Variants in LRRTM4 observed in about 807,000 individuals in gnomAD.
LRRTM4 encodes the protein leucine rich repeat transmembrane neuronal 4.
LRRTM4 carries 25 observed loss-of-function variants against 47.6 expected under a neutral mutation model. The observed-to-expected ratio is 0.53, with a 90% CI of 0.38 to 0.73. LRRTM4 has a LOEUF of 0.73. Among genes scored for constraint, LRRTM4 ranks in the 30% least tolerant of loss-of-function variants. The pLI, the probability that LRRTM4 is intolerant of heterozygous loss-of-function variation, is 0.00. For missense variants in LRRTM4, 638 were observed against 713.4 expected, an observed-to-expected ratio of 0.89 and a Z score of 1.20; for synonymous variants, 311 against 269.5, an observed-to-expected ratio of 1.15 and a Z score of -1.51.
intron 3 of LRRTM4, among the ~76,000 whole-genome samples, chr2:77,478,789 G>A (rs903226413): frequency 6.6e-6 from 1 of 152,180 alleles, no homozygotes; most frequent in African/African-American, 2.4e-5. Context: ...AATTGCCACA[G>A]ATGTATTCAG....
chr2:77,289,417 C>T (rs1395391873), intron 3 of LRRTM4, among the ~76,000 whole-genome samples: 1 of 151,974 alleles, frequency 6.6e-6, no homozygotes, highest in Non-Finnish European at 1.5e-5. Flanking sequence ...ATTGAAACAT[C>T]CATGCATGCC....
At chr2:77,431,834 G>C (rs1675387393) in intron 3 of LRRTM4, among the ~76,000 whole-genome samples, 1 of 148,916 alleles carries the variant, frequency 6.7e-6, no homozygotes, top group Non-Finnish European at 1.5e-5. Context: ...CCAGCACTTT[G>C]CGAGGCTGAG....
At chr2:76,957,662 G>A (rs1226791324) in intron 3 of LRRTM4, among the ~76,000 whole-genome samples, 3 of 151,588 alleles carry the variant, frequency 2.0e-5, no homozygotes, top group African/African-American at 7.3e-5. Flanking sequence ...GTGCCAAATG[G>A]ATTTAATAGT....
chr2:76,941,920 C>G (rs1412123900), intron 3 of LRRTM4, among the ~76,000 whole-genome samples: 1 of 152,172 alleles, frequency 6.6e-6, no homozygotes, highest in Non-Finnish European at 1.5e-5. Context: ...CTAATTTACA[C>G]TCCCACCAAC....
chr2:77,425,225 G>C (rs569295429), intron 3 of LRRTM4, among the ~76,000 whole-genome samples: 1 of 152,088 alleles, frequency 6.6e-6, no homozygotes, highest in Non-Finnish European at 1.5e-5. Flanking sequence ...CAGTTTCAAA[G>C]ACAAGTTTCT....
chr2:77,225,744 G>A (rs1206577604), intron 3 of LRRTM4, among the ~76,000 whole-genome samples: 2 of 152,046 alleles, frequency 1.3e-5, no homozygotes, highest in Non-Finnish European at 1.5e-5. Flanking sequence ...CACTTAAATA[G>A]CTTAAATTTA....
intron 3 of LRRTM4, among the ~76,000 whole-genome samples, chr2:77,236,701 A>G (rs1335674919): frequency 1.3e-5 from 2 of 152,004 alleles, no homozygotes; most frequent in Non-Finnish European, 2.9e-5. Flanking sequence ...TGTTCCTTCA[A>G]TGTCTAGTTG....
At chr2:77,113,130 A>G (rs1447534619) in intron 3 of LRRTM4, among the ~76,000 whole-genome samples, 1 of 152,132 alleles carries the variant, frequency 6.6e-6, no homozygotes. Context: ...TTGGGCATAA[A>G]TATCAGAGAA....
intron 3 of LRRTM4, among the ~76,000 whole-genome samples, chr2:76,820,629 T>G (rs1671026722): frequency 6.6e-6 from 1 of 151,698 alleles, no homozygotes. Context: ...TGTATAATTG[T>G]TTTAGTGGGT....
intron 3 of LRRTM4, among the ~76,000 whole-genome samples, chr2:77,044,977 T>C (rs190343568): frequency 7.6e-4 from 116 of 151,920 alleles, no homozygotes; most frequent in African/African-American, 2.7e-3. Flanking sequence ...ATCTGGGTAG[T>C]AGGAATGCTG....
At chr2:77,006,517 A>G (rs1487670665) in intron 3 of LRRTM4, among the ~76,000 whole-genome samples, 2 of 152,150 alleles carry the variant, frequency 1.3e-5, no homozygotes, top group Admixed American at 1.3e-4. Context: ...GCCAATGCCA[A>G]TTGCAAAGTC....
chr2:76,846,634 T>C (rs2103956224), intron 3 of LRRTM4, among the ~76,000 whole-genome samples: 1 of 152,288 alleles, frequency 6.6e-6, no homozygotes, highest in South Asian at 2.1e-4. Context: ...TATATATGGA[T>C]AGTTGAATAT....
chr2:77,385,270 T>A (rs1673217648), intron 3 of LRRTM4, among the ~76,000 whole-genome samples: 1 of 152,136 alleles, frequency 6.6e-6, no homozygotes, highest in Non-Finnish European at 1.5e-5. Context: ...CCATTAATAA[T>A]TTTAACTGTA....
chr2:77,431,003 T>A (rs753080387), intron 3 of LRRTM4, among the ~76,000 whole-genome samples: 3 of 148,578 alleles, frequency 2.0e-5, no homozygotes, highest in Non-Finnish European at 4.4e-5. Context: ...AACTCTAGGT[T>A]TTCTGGCCTT....
rs1226285688 is a variant in LRRTM4 at position 76,884,686 on chromosome 2, AC to A, written c.1552-135771del. Among the ~76,000 whole-genome samples the A allele has an allele frequency of 5.3e-5, 8 of 152,298 alleles. No individual in the cohort carries two copies. In the East Asian group the frequency reaches 1.2e-3, roughly 22 times the overall value. On this transcript the variant is annotated intron_variant, in intron 3 of 3. Transcript: ENST00000409884. ...TAGGCATGGTAGAGAAAAAAGAGAAACAACCAGTACAATCTTTCTGTTCTTT... is the reference window on the plus strand; with the variant it reads ...TAGGCATGGTAGAGAAAAAAGAGAAAAACCAGTACAATCTTTCTGTTCTTT...
intron 3 of LRRTM4, among the ~76,000 whole-genome samples, chr2:77,362,987 A>G (rs1484414267): frequency 6.6e-6 from 1 of 152,184 alleles, no homozygotes; most frequent in Non-Finnish European, 1.5e-5. Context: ...ATAAACATCC[A>G]TATGGGTAGT....
chr2:77,236,457 T>G (rs1675105772), intron 3 of LRRTM4, among the ~76,000 whole-genome samples: 1 of 151,872 alleles, frequency 6.6e-6, no homozygotes, highest in Admixed American at 6.6e-5. Flanking sequence ...CATATTTTTT[T>G]TTTGCCAAGA....
chr2:77,327,643 T>A (rs1670826453), intron 3 of LRRTM4, among the ~76,000 whole-genome samples: 1 of 152,194 alleles, frequency 6.6e-6, no homozygotes, highest in Non-Finnish European at 1.5e-5. Context: ...GAGACTGATG[T>A]TATTTGTTGC....
At chr2:76,994,024 CAT>C (rs941160852) in intron 3 of LRRTM4, among the ~76,000 whole-genome samples, 4 of 151,896 alleles carry the variant, frequency 2.6e-5, no homozygotes, top group African/African-American at 4.8e-5. Flanking sequence ...CCAAACACCA[CAT>C]GTTATCACTT....
Sources: allele counts gnomAD v4.1 joint callset (sites outside exome capture counted in the v4.1 genomes callset), GRCh38; gene constraint gnomAD v4.1.1; transcripts MANE v1.5; gene names NCBI Gene and HGNC (gene_info 2026-07-23, HGNC 2026-07-21).